Variants in RYR2 observed in about 807,000 individuals in gnomAD.
RYR2 encodes ryanodine receptor 2.
Under a neutral mutation model 601.1 loss-of-function variants are expected in RYR2, and 227 were observed. That is an observed-to-expected ratio of 0.38 (90% confidence interval 0.34 to 0.42). RYR2 has a LOEUF of 0.42. Among genes scored for constraint, RYR2 ranks in the 10% least tolerant of loss-of-function variants. The pLI, the probability that RYR2 is intolerant of heterozygous loss-of-function variation, is 1.00. For synonymous variants in RYR2, 2,223 were observed against 2,175.1 expected (o/e 1.02, Z -0.61); for missense variants, 4,646 against 6,156.5 (o/e 0.75, Z 8.21).
chr1:237,608,796 GTTTTT>G (rs33945891), intron 35 of RYR2, among the ~76,000 whole-genome samples: 2 of 119,216 alleles, frequency 1.7e-5, no homozygotes, highest in Non-Finnish European at 1.7e-5. Flanking sequence ...AGACTGACCT[GTTTTT>G]TTTTTTTTTT....
At chr1:237,669,487 C>A (rs959626905) in intron 58 of RYR2, among the ~76,000 whole-genome samples, 2 of 142,474 alleles carry the variant, frequency 1.4e-5, no homozygotes, top group African/African-American at 5.1e-5. Flanking sequence ...CCGGACGGGG[C>A]GGCTGGCCGG....
chr1:237,174,161 A>G (rs918754110), intron 1 of RYR2, among the ~76,000 whole-genome samples: 1 of 152,172 alleles, frequency 6.6e-6, no homozygotes, highest in African/African-American at 2.4e-5. Flanking sequence ...ATTTTTTAAA[A>G]GTTTCATTTT....
intron 1 of RYR2, among the ~76,000 whole-genome samples, chr1:237,057,441 T>A (rs1229590516): frequency 6.6e-6 from 1 of 152,072 alleles, no homozygotes; most frequent in Non-Finnish European, 1.5e-5. Flanking sequence ...CACCTCAGCC[T>A]CCCAAAGTGC....
chr1:237,466,859 G>A (rs998210938), intron 16 of RYR2, among the ~76,000 whole-genome samples: 3 of 151,626 alleles, frequency 2.0e-5, no homozygotes, highest in Non-Finnish European at 4.4e-5. Flanking sequence ...ATTGACCCAA[G>A]AGTTATTAAG....
intron 1 of RYR2, among the ~76,000 whole-genome samples, chr1:237,239,104 C>G (rs1685888193): frequency 6.6e-6 from 1 of 152,100 alleles, no homozygotes; most frequent in South Asian, 2.1e-4. Context: ...GAACTTTTCC[C>G]ATCTCTATAT....
chr1:237,597,190 AG>A (rs1029442794), intron 34 of RYR2, among the ~76,000 whole-genome samples: 28 of 152,320 alleles, frequency 1.8e-4, no homozygotes, highest in African/African-American at 6.7e-4. Flanking sequence ...AATTGTCAAA[AG>A]TAACTACAGC....
chr1:237,281,020 G>A (rs1690804758), intron 2 of RYR2, among the ~76,000 whole-genome samples: 1 of 151,960 alleles, frequency 6.6e-6, no homozygotes, highest in Non-Finnish European at 1.5e-5. Context: ...CCTGACCTTA[G>A]GTGATCCGCC....
intron 1 of RYR2, among the ~76,000 whole-genome samples, chr1:237,097,539 G>T (rs1004489976): frequency 6.6e-6 from 1 of 152,176 alleles, no homozygotes; most frequent in Admixed American, 6.5e-5. Flanking sequence ...AGATTTAAAC[G>T]TAATACCTAT....
intron 1 of RYR2, among the ~76,000 whole-genome samples, chr1:237,248,221 G>A (rs1003229092): frequency 7.4e-6 from 1 of 134,860 alleles, no homozygotes; most frequent in African/African-American, 2.7e-5. Flanking sequence ...GCAGTGAGCC[G>A]AGATCACACC....
In RYR2 at chr1:237,700,235, G is replaced by A. The variant is rs2149031134; in HGVS notation, c.9135G>A (p.Val3045=). 2 of 1,554,064 alleles carry A rather than the reference G, an allele frequency of 1.3e-6. No individual in the cohort carries two copies. Among genetic ancestry groups the A allele is most frequent in the African/African-American group, 1.4e-5 (1 of 73,610 alleles). ...ILGQTLDART[V]MKTGLESVKS... ...TCCCTTATTTACTTTCTAGGACAGTGATGAAGACTGGCCTGGAGAGTGTTA... is the reference window on the plus strand; with the variant it reads ...TCCCTTATTTACTTTCTAGGACAGTAATGAAGACTGGCCTGGAGAGTGTTA... Residue 3045 remains valine (V), a synonymous_variant, in exon 65 of 105, where the codon GTG becomes GTA. Coordinates refer to ENST00000366574, the MANE Select transcript of RYR2 (RefSeq NM_001035.3).
intron 2 of RYR2, among the ~76,000 whole-genome samples, chr1:237,327,647 C>T (rs556203688): frequency 6.6e-6 from 1 of 152,194 alleles, no homozygotes; most frequent in Non-Finnish European, 1.5e-5. Context: ...ATGCAAGAAC[C>T]GATTTTAAGA....
At chr1:237,592,943 C>T (rs1405829012) in intron 32 of RYR2, among the ~76,000 whole-genome samples, 2 of 151,354 alleles carry the variant, frequency 1.3e-5, no homozygotes, top group African/African-American at 2.4e-5. Context: ...ATCTCTTGAA[C>T]CTGGGAGGCA....
intron 2 of RYR2, among the ~76,000 whole-genome samples, chr1:237,286,826 C>A (rs913594145): frequency 2.0e-5 from 3 of 151,902 alleles, no homozygotes; most frequent in Admixed American, 6.6e-5. Flanking sequence ...ATGTGAGGTA[C>A]CCTTGCATTC....
intron 1 of RYR2, among the ~76,000 whole-genome samples, chr1:237,227,104 T>G (rs971796452): frequency 6.6e-6 from 1 of 152,086 alleles, no homozygotes; most frequent in Non-Finnish European, 1.5e-5. Flanking sequence ...CAGTTATGCA[T>G]AGAGATCGAA....
At chr1:237,299,052 A>T (rs1435435986) in intron 2 of RYR2, among the ~76,000 whole-genome samples, 1 of 151,732 alleles carries the variant, frequency 6.6e-6, no homozygotes, top group Non-Finnish European at 1.5e-5. Flanking sequence ...CCTCTGTTAA[A>T]TTATTCAACA....
intron 14 of RYR2, among the ~76,000 whole-genome samples, chr1:237,452,090 T>TGG: frequency 9.4e-6 from 1 of 106,536 alleles, no homozygotes; most frequent in Non-Finnish European, 2.2e-5. Context: ...TGTGTGTGTG[T>TGG]GTGTGTGTGT....
intron 2 of RYR2, among the ~76,000 whole-genome samples, chr1:237,291,846 CATT>C (rs1201079545): frequency 1.3e-5 from 2 of 152,122 alleles, no homozygotes; most frequent in Admixed American, 1.3e-4. Context: ...GTGGTTATGT[CATT>C]ATAAATTTCT....
intron 21 of RYR2, among the ~76,000 whole-genome samples, chr1:237,502,042 T>G (rs778658394): frequency 2.6e-5 from 4 of 152,010 alleles, no homozygotes; most frequent in Non-Finnish European, 5.9e-5. Context: ...CCTGTAGTCT[T>G]AGCTACCCGG....
At chr1:237,743,946 A>G (rs1289777813) in intron 80 of RYR2, among the ~76,000 whole-genome samples, 2 of 152,150 alleles carry the variant, frequency 1.3e-5, no homozygotes, top group African/African-American at 4.8e-5. Context: ...TTTCGGTGCA[A>G]TGTTCTGACC....
Sources: allele counts gnomAD v4.1 joint callset (sites outside exome capture counted in the v4.1 genomes callset), GRCh38; gene constraint gnomAD v4.1.1; transcripts MANE v1.5; gene names NCBI Gene and HGNC (gene_info 2026-07-23, HGNC 2026-07-21).